Variants in FAM167A observed in about 807,000 individuals in gnomAD.
FAM167A encodes protein FAM167A.
In FAM167A, 23 loss-of-function variants were observed where a neutral mutation model predicts 14.9. The observed-to-expected ratio is 1.55, with a 90% confidence interval of 1.11 to 2.19. FAM167A has a LOEUF of 2.19. FAM167A is among the 30% of genes most tolerant of loss of function. The pLI is 0.00. For missense variants in FAM167A, 401 were observed against 281.5 expected, an observed-to-expected ratio of 1.42 and a Z score of -3.04; for synonymous variants, 174 against 117.7, an observed-to-expected ratio of 1.48 and a Z score of -3.10.
intron 2 of FAM167A, 137 bp downstream of exon 2, chr8:11,443,894 G>A: frequency 1.8e-6 from 2 of 1,122,408 alleles, no homozygotes; most frequent in Non-Finnish European, 1.3e-6. Context: ...GAAGATTACA[G>A]ATGTGCACTT....
chr8:11,460,428 C>T (rs974098122), intron 1 of FAM167A, among the ~76,000 whole-genome samples: 47 of 152,164 alleles, frequency 3.1e-4, no homozygotes, highest in African/African-American at 1.1e-3. Context: ...AGTCAGCCCA[C>T]AGCAGCAGGT....
intron 1 of FAM167A, among the ~76,000 whole-genome samples, chr8:11,462,017 G>A (rs1807559595): frequency 6.6e-6 from 1 of 152,350 alleles, no homozygotes; most frequent in South Asian, 2.1e-4. Context: ...GCCCAGTGCA[G>A]CCTGTAAGTG....
chr8:11,470,505 C>G (rs569947108), upstream of FAM167A, among the ~76,000 whole-genome samples: 2 of 152,254 alleles, frequency 1.3e-5, no homozygotes, highest in African/African-American at 4.8e-5. Context: ...TGGCAGACCT[C>G]GTGAGGACTG....
intron 2 of FAM167A, among the ~76,000 whole-genome samples, chr8:11,440,497 A>T (rs1230036083): frequency 6.6e-6 from 1 of 152,180 alleles, no homozygotes; most frequent in African/African-American, 2.4e-5. Flanking sequence ...TCTGCCTTTT[A>T]GCTGGTCTTG....
upstream of FAM167A, among the ~76,000 whole-genome samples, chr8:11,470,390 C>T (rs1807920345): frequency 6.6e-6 from 1 of 152,080 alleles, no homozygotes; most frequent in South Asian, 2.1e-4. Flanking sequence ...CAGGGGCCAG[C>T]ATGGATGCCT....
chr8:11,424,914 G>C (rs1419526167), intron 2 of FAM167A, among the ~76,000 whole-genome samples: 1 of 152,200 alleles, frequency 6.6e-6, no homozygotes, highest in African/African-American at 2.4e-5. Flanking sequence ...TACTTCCAGT[G>C]CTTTCTCATT....
intron 2 of FAM167A, among the ~76,000 whole-genome samples, chr8:11,429,804 A>T (rs1805451045): frequency 6.6e-6 from 1 of 152,192 alleles, no homozygotes; most frequent in Non-Finnish European, 1.5e-5. Context: ...GTTGGGTGGC[A>T]AGTCACTGCC....
intron 1 of FAM167A, among the ~76,000 whole-genome samples, chr8:11,459,157 T>C (rs1371447227): frequency 6.6e-6 from 1 of 152,244 alleles, no homozygotes; most frequent in Non-Finnish European, 1.5e-5. Flanking sequence ...AGACCTTTTT[T>C]ATTGTGCCAG....
chr8:11,449,548 G>A (rs1483952752), intron 1 of FAM167A, among the ~76,000 whole-genome samples: 2 of 152,186 alleles, frequency 1.3e-5, no homozygotes, highest in African/African-American at 4.8e-5. Flanking sequence ...GGGTGGAGGG[G>A]CCGGAGAAGG....
chr8:11,444,012 C>G lies in FAM167A; in HGVS notation c.381+19G>C. 6.3e-7 allele frequency: 1 copy of G among 1,597,122 alleles called. No individual in the cohort carries two copies. On this transcript the variant is annotated intron_variant, in intron 2 of 2. Coordinates refer to ENST00000284486, the MANE Select transcript of FAM167A (RefSeq NM_053279.3). Reference sequence around the variant, plus strand: ...TGGCATCTCCTCTTTTCTGGGGATTCTTGGGGGCAGCCACTCACCAGTTCC... The same window carrying G: ...TGGCATCTCCTCTTTTCTGGGGATTGTTGGGGGCAGCCACTCACCAGTTCC...
At chr8:11,435,613 G>A (rs1455522471) in intron 2 of FAM167A, among the ~76,000 whole-genome samples, 2 of 152,252 alleles carry the variant, frequency 1.3e-5, no homozygotes, top group African/African-American at 2.4e-5. Context: ...CCACCCTCTG[G>A]GATCTCCCAC....
intron 2 of FAM167A, among the ~76,000 whole-genome samples, chr8:11,436,515 G>A (rs767864266): frequency 2.5e-4 from 38 of 152,196 alleles, no homozygotes; most frequent in Non-Finnish European, 4.7e-4. Context: ...GCCAGTCGGC[G>A]GAGGGAGAGA....
chr8:11,456,696 A>G (rs1449136244), intron 1 of FAM167A, among the ~76,000 whole-genome samples: 1 of 151,384 alleles, frequency 6.6e-6, no homozygotes, highest in East Asian at 1.9e-4. Context: ...TGACATGTGC[A>G]GAGCTGTTAG....
chr8:11,447,875 G>A (rs78339250), intron 1 of FAM167A, among the ~76,000 whole-genome samples: 3,697 of 152,300 alleles, frequency 0.024, 89 homozygotes, highest in South Asian at 0.055. Context: ...AGTATGAAAC[G>A]AAGATGCGGG....
chr8:11,426,408 G>A (rs1484065515), intron 2 of FAM167A, among the ~76,000 whole-genome samples: 1 of 152,162 alleles, frequency 6.6e-6, no homozygotes, highest in Admixed American at 6.6e-5. Context: ...CACTGGCTCA[G>A]AATAAACCTC....
At chr8:11,432,930 T>G (rs952282212) in intron 2 of FAM167A, among the ~76,000 whole-genome samples, 3 of 152,168 alleles carry the variant, frequency 2.0e-5, no homozygotes, top group Admixed American at 6.5e-5. Context: ...GGATGGAAGC[T>G]GGAAACCATC....
In FAM167A at chr8:11,440,093, CCTT is replaced by C. The variant is rs556378048; in HGVS notation, c.381+3935_381+3937del. Among the ~76,000 whole-genome samples, 4 of 152,310 alleles carry C rather than the reference CCTT, an allele frequency of 2.6e-5. 1 individual carries two copies. In the South Asian group the frequency reaches 8.3e-4, roughly 32 times the overall value. ...GGAAGGTGAAACCTGGGGGCTGTGA[CCTT>C]CTGGGGACCTGAGCAGCCTAGAACT... On this transcript the variant is annotated intron_variant, in intron 2 of 2. Transcript: ENST00000284486.
Position 11,449,455 on chromosome 8 carries a change from T to A in FAM167A, c.-397-4647A>T, listed in dbSNP as rs552142257. 9.0e-4 allele frequency among the ~76,000 whole-genome samples: 137 copies of A among 152,282 alleles called. 1 individual carries two copies. The highest frequency in any genetic ancestry group is 3.0e-3 in the African/African-American group (123 of 41,570). Reference sequence around the variant, plus strand: ...CCTCGCTTGACAAACCAGGGACTCCTGGGGCCCAGGCCCCGGGAGGAAGAG... The same window carrying A: ...CCTCGCTTGACAAACCAGGGACTCCAGGGGCCCAGGCCCCGGGAGGAAGAG... On this transcript the variant is annotated intron_variant, in intron 1 of 2. Coordinates refer to ENST00000284486, the MANE Select transcript of FAM167A (RefSeq NM_053279.3).
chr8:11,455,420 T>C (rs1356542657), intron 1 of FAM167A, among the ~76,000 whole-genome samples: 3 of 108,968 alleles, frequency 2.8e-5, no homozygotes, highest in African/African-American at 3.7e-5. Flanking sequence ...GTGGCTGCTC[T>C]GCTGGGTGTG....
Sources: allele counts gnomAD v4.1 joint callset (sites outside exome capture counted in the v4.1 genomes callset), GRCh38; gene constraint gnomAD v4.1.1; transcripts MANE v1.5; gene names NCBI Gene and HGNC (gene_info 2026-07-23, HGNC 2026-07-21).